Variants in ERBB4 observed in about 807,000 individuals in gnomAD.
ERBB4 encodes the protein erb-b2 receptor tyrosine kinase 4, also known as receptor tyrosine-protein kinase erbB-4.
ERBB4 carries 42 observed loss-of-function variants against 158.0 expected under a neutral mutation model. The ratio of observed to expected loss-of-function variants is 0.27; its 90% confidence interval spans 0.21 to 0.34. The LOEUF (loss-of-function observed/expected upper bound fraction) is 0.34. Ranked by LOEUF, ERBB4 falls within the 10% of genes least tolerant of loss-of-function variation. The pLI is 1.00. For synonymous variants in ERBB4, 583 were observed against 558.7 expected (o/e 1.04, Z -0.61); for missense variants, 1,333 against 1,624.1 (o/e 0.82, Z 3.08).
chr2:212,535,257 A>C (rs1005064602), intron 1 of ERBB4, among the ~76,000 whole-genome samples: 6 of 152,048 alleles, frequency 3.9e-5, no homozygotes, highest in Non-Finnish European at 7.4e-5. Context: ...TATATATGAG[A>C]ATTTCAAATT....
intron 3 of ERBB4, among the ~76,000 whole-genome samples, chr2:211,899,648 T>A (rs1303777293): frequency 1.3e-5 from 2 of 152,146 alleles, no homozygotes; most frequent in African/African-American, 4.8e-5. Flanking sequence ...TATTGTGATT[T>A]ACAGGTTATA....
chr2:212,268,317 A>C (rs2085223876), intron 1 of ERBB4, among the ~76,000 whole-genome samples: 1 of 151,898 alleles, frequency 6.6e-6, no homozygotes, highest in African/African-American at 2.4e-5. Flanking sequence ...AGTGAGATAA[A>C]AAATGGAATA....
chr2:211,580,824 T>TATAATATATATAG lies in ERBB4; in HGVS notation c.2302-18737_2302-18736insCTATATATATTAT, dbSNP rs1491111562. Among the ~76,000 whole-genome samples the TATAATATATATAG allele has an allele frequency of 2.2e-4, 3 of 13,482 alleles. 1 individual carries two copies. The highest frequency in any genetic ancestry group is 3.0e-4 in the African/African-American group (3 of 9,866). 8.8% of individuals were successfully genotyped at this position (13,482 alleles called of 152,430 possible). ...TATATATATATATAATATATATATA[T>TATAATATATATAG]TATATATATAGATTATATATTATAT... On this transcript the variant is annotated intron_variant, in intron 19 of 27. Coordinates refer to ENST00000342788, the MANE Select transcript of ERBB4 (RefSeq NM_005235.3).
chr2:212,219,759 G>A (rs1250087740), intron 1 of ERBB4, among the ~76,000 whole-genome samples: 2 of 151,196 alleles, frequency 1.3e-5, no homozygotes, highest in Non-Finnish European at 3.0e-5. Flanking sequence ...ATAAACAGTA[G>A]TGTAAATTGT....
chr2:211,616,814 A>G (rs533846657), intron 19 of ERBB4, among the ~76,000 whole-genome samples: 61 of 152,304 alleles, frequency 4.0e-4, no homozygotes, highest in African/African-American at 1.2e-3. Context: ...ATCTTCCAGC[A>G]TCTATCCACA....
chr2:212,286,257 G>T (rs1205192876), intron 1 of ERBB4, among the ~76,000 whole-genome samples: 1 of 152,084 alleles, frequency 6.6e-6, no homozygotes, highest in African/African-American at 2.4e-5. Flanking sequence ...ACCAATATCA[G>T]AAGGAAATTA....
chr2:211,604,311 T>A (rs141820305), intron 19 of ERBB4, among the ~76,000 whole-genome samples: 1 of 152,344 alleles, frequency 6.6e-6, no homozygotes, highest in Non-Finnish European at 1.5e-5. Context: ...TGCGTTTGTT[T>A]CCTGTTTCTT....
intron 3 of ERBB4, among the ~76,000 whole-genome samples, chr2:211,845,294 T>C (rs2077562881): frequency 6.6e-6 from 1 of 151,078 alleles, no homozygotes; most frequent in South Asian, 2.1e-4. Flanking sequence ...TCAGAATTGG[T>C]AAAAGCTGTT....
intron 1 of ERBB4, among the ~76,000 whole-genome samples, chr2:212,335,203 T>C (rs952207737): frequency 6.6e-6 from 1 of 151,882 alleles, no homozygotes; most frequent in Non-Finnish European, 1.5e-5. Flanking sequence ...GGTTCTAAAA[T>C]TGTATAAAGA....
At position 212,093,371 on chromosome 2, in the gene ERBB4, T is replaced by C. The variant is rs1575620841; in HGVS notation, c.234+31381A>G. Among the ~76,000 whole-genome samples, 3 of 152,316 alleles carry C rather than the reference T, an allele frequency of 2.0e-5. No homozygotes were observed. The East Asian group carries it at 5.8e-4, about 29-fold the overall frequency. ...AAAATTAGAGAATTATTTTTCTCCA[T>C]GCTTGTGAGAATAAACAACAACAAC... On this transcript the variant is annotated intron_variant, in intron 2 of 27. Coordinates refer to ENST00000342788, the MANE Select transcript of ERBB4 (RefSeq NM_005235.3).
At chr2:211,401,177 C>G (rs2125353984) in intron 25 of ERBB4, among the ~76,000 whole-genome samples, 1 of 152,048 alleles carries the variant, frequency 6.6e-6, no homozygotes, top group South Asian at 2.1e-4. Flanking sequence ...CACTTAGCCA[C>G]AGAAAGGTGT....
intron 1 of ERBB4, among the ~76,000 whole-genome samples, chr2:212,260,214 A>G (rs2084888710): frequency 6.6e-6 from 1 of 152,214 alleles, no homozygotes; most frequent in Non-Finnish European, 1.5e-5. Flanking sequence ...TCTGGCAAAT[A>G]GAGTATGGGG....
intron 5 of ERBB4, among the ~76,000 whole-genome samples, chr2:211,740,092 A>T (rs1180105018): frequency 6.6e-6 from 1 of 152,164 alleles, no homozygotes; most frequent in Non-Finnish European, 1.5e-5. Context: ...TAACATCCTT[A>T]TTAAAGAGGA....
chr2:212,425,392 A>G (rs914473013), intron 1 of ERBB4, among the ~76,000 whole-genome samples: 56 of 146,484 alleles, frequency 3.8e-4, no homozygotes, highest in African/African-American at 1.3e-3. Context: ...ACATATATGT[A>G]TATGTATACA....
At chr2:211,719,266 G>C (rs1191993007) in intron 7 of ERBB4, among the ~76,000 whole-genome samples, 1 of 152,170 alleles carries the variant, frequency 6.6e-6, no homozygotes, top group Non-Finnish European at 1.5e-5. Context: ...ATCAGTCAAT[G>C]AAGGAACAAC....
At chr2:212,284,116 T>C (rs530830477) in intron 1 of ERBB4, among the ~76,000 whole-genome samples, 14 of 152,092 alleles carry the variant, frequency 9.2e-5, no homozygotes, top group African/African-American at 1.2e-4. Context: ...CACACAATAA[T>C]TTATCAAAGT....
chr2:212,285,460 T>C (rs2085925408), intron 1 of ERBB4, among the ~76,000 whole-genome samples: 1 of 151,900 alleles, frequency 6.6e-6, no homozygotes, highest in Non-Finnish European at 1.5e-5. Context: ...GTAGCCAAAA[T>C]TGCTAATAAC....
intron 1 of ERBB4, among the ~76,000 whole-genome samples, chr2:212,318,518 AAGAG>A (rs1418296088): frequency 1.6e-5 from 2 of 125,360 alleles, no homozygotes; most frequent in Non-Finnish European, 3.6e-5. Flanking sequence ...TCTCTATAGA[AAGAG>A]AGAGAAAAAG....
intron 2 of ERBB4, among the ~76,000 whole-genome samples, chr2:212,108,660 C>G (rs1471711872): frequency 6.7e-6 from 1 of 148,450 alleles, no homozygotes; most frequent in African/African-American, 2.5e-5. Flanking sequence ...CAACTATTCC[C>G]AATCACTTCA....
Sources: gnomAD v4.1 joint callset for allele counts (sites outside exome capture counted in the v4.1 genomes callset) on GRCh38, gnomAD v4.1.1 for gene constraint, MANE v1.5 for transcripts, NCBI Gene and HGNC (gene_info 2026-07-23, HGNC 2026-07-21) for gene names.